SDHC: variants seen among roughly 807,000 people sequenced by gnomAD.
SDHC encodes the protein succinate dehydrogenase cytochrome b560 subunit, mitochondrial.
SDHC carries 11 observed loss-of-function variants against 22.6 expected under a neutral mutation model. The ratio of observed to expected loss-of-function variants is 0.49; its 90% CI spans 0.31 to 0.81. SDHC has a LOEUF of 0.81. Ranked by LOEUF, SDHC falls within the 30% of genes least tolerant of loss-of-function variation. The pLI, the probability that SDHC is intolerant of heterozygous loss-of-function variation, is 0.05. For missense variants in SDHC, 160 were observed against 212.0 expected (o/e 0.75, Z 1.52); for synonymous variants, 80 against 77.8 (o/e 1.03, Z -0.15).
chr1:161,339,585 A>C, intron 3 of SDHC: 1 of 1,262,606 alleles, frequency 7.9e-7, no homozygotes, highest in Non-Finnish European at 1.0e-6. Context: ...GCAGTCTGGT[A>C]AAGGTAGGGA....
chr1:161,330,164 A>G lies in SDHC; in HGVS notation c.179+1667A>G, dbSNP rs76555443. Among the ~76,000 whole-genome samples, 2,093 of 152,334 alleles carry G rather than the reference A, an allele frequency of 0.014. 147 individuals carry two copies. The East Asian group carries it at 0.16, about 12-fold the overall frequency. ...GTTTATGTCTGTCCCATGACAAAAT[A>G]CATTCACCACATCGCGGTGGCCCCA... is the stretch of plus-strand genomic sequence containing the variant. On this transcript the variant is annotated intron_variant, in intron 3 of 5. Coordinates refer to ENST00000367975, the MANE Select transcript of SDHC (RefSeq NM_003001.5).
chr1:161,327,564 T>A (rs79290777), intron 2 of SDHC, among the ~76,000 whole-genome samples: 17,740 of 151,952 alleles, frequency 0.12, 1,392 homozygotes, highest in African/African-American at 0.22. Flanking sequence ...TATTTATTTA[T>A]TTTATTTATT....
rs991858826 is a variant in SDHC, at chr1:161,355,677, C to T, written c.242-1000C>T. 5.9e-5 allele frequency among the ~76,000 whole-genome samples: 9 copies of T among 152,030 alleles called. No individual in the cohort carries two copies. The East Asian group carries it at 1.5e-3, about 26-fold the overall frequency. On this transcript the variant is annotated intron_variant, in intron 4 of 5. Transcript: ENST00000367975. Reference sequence around the variant, plus strand: ...TTTTTCCTCTCTTCAGAGGTAGCAACACTAGAAGATAAAGATAAAAAAAGG... The same window carrying T: ...TTTTTCCTCTCTTCAGAGGTAGCAATACTAGAAGATAAAGATAAAAAAAGG...
At chr1:161,320,783 A>G (rs571168479) in intron 1 of SDHC, among the ~76,000 whole-genome samples, 20 of 151,672 alleles carry the variant, frequency 1.3e-4, no homozygotes, top group East Asian at 7.7e-4. Flanking sequence ...CTGAAGCTCA[A>G]TGACTCACTC....
intron 3 of SDHC, among the ~76,000 whole-genome samples, chr1:161,335,946 A>G (rs1671466788): frequency 6.6e-6 from 1 of 152,122 alleles, no homozygotes; most frequent in Non-Finnish European, 1.5e-5. Flanking sequence ...TAACCCAGCA[A>G]AGCATCTTGA....
rs1672295219 is a variant in SDHC, at chr1:161,356,828, G to T, written c.393G>T (p.Gly131=). Residue 131 remains glycine, a synonymous_variant, in exon 5 of 6, where the codon GGG becomes GGT. Transcript: ENST00000367975. ...CTCTCATGTATCATACCTGGAATGGGATCCGACACTTGGTAAGTTAATTCG... is the reference window on the plus strand; with the variant it reads ...CTCTCATGTATCATACCTGGAATGGTATCCGACACTTGGTAAGTTAATTCG... ...VFPLMYHTWN[G]IRHLMWDLGK... The T allele has an allele frequency of 1.2e-6, 2 of 1,614,124 alleles. No homozygotes were observed. The highest frequency in any genetic ancestry group is 1.7e-6 in the Non-Finnish European group (2 of 1,180,004).
chr1:161,328,841 CA>C (rs1170305869), intron 3 of SDHC, among the ~76,000 whole-genome samples: 1 of 152,094 alleles, frequency 6.6e-6, no homozygotes, highest in Non-Finnish European at 1.5e-5. Context: ...ACAGAGTTCC[CA>C]TATACCTTTA....
intron 4 of SDHC, among the ~76,000 whole-genome samples, chr1:161,346,422 A>G (rs1671899075): frequency 6.6e-6 from 1 of 151,314 alleles, no homozygotes; most frequent in South Asian, 2.1e-4. Flanking sequence ...TTTTCGAGAC[A>G]GAGTTTCGCT....
At chr1:161,351,743 G>A (rs571862185) in intron 4 of SDHC, among the ~76,000 whole-genome samples, 51 of 152,304 alleles carry the variant, frequency 3.3e-4, no homozygotes, top group South Asian at 2.7e-3. Context: ...AAGCAGATGG[G>A]CAGAATACAT....
intron 3 of SDHC, among the ~76,000 whole-genome samples, chr1:161,334,376 A>C (rs780931965): frequency 1.2e-4 from 18 of 150,776 alleles, no homozygotes; most frequent in Non-Finnish European, 2.2e-4. Flanking sequence ...TTATGATTAC[A>C]CTGGGCCCGT....
At chr1:161,350,901 A>G (rs1369623005) in intron 4 of SDHC, among the ~76,000 whole-genome samples, 1 of 152,118 alleles carries the variant, frequency 6.6e-6, no homozygotes, top group South Asian at 2.1e-4. Context: ...TTGGCTCCTT[A>G]GGCATTTGGG....
chr1:161,315,138 C>A (rs1670559632), intron 1 of SDHC, among the ~76,000 whole-genome samples: 1 of 152,226 alleles, frequency 6.6e-6, no homozygotes, highest in African/African-American at 2.4e-5. Context: ...CTCTGCTCAG[C>A]CTCTCTAGTC....
chr1:161,327,764 G>A (rs76022526), intron 2 of SDHC, among the ~76,000 whole-genome samples: 17,795 of 151,716 alleles, frequency 0.12, 1,415 homozygotes, highest in African/African-American at 0.22. Flanking sequence ...GGGTTTCACC[G>A]TGTTGGCCAG....
intron 4 of SDHC, 60 bp from the exon 5 acceptor site, chr1:161,356,617 T>C: frequency 1.3e-6 from 2 of 1,543,622 alleles, no homozygotes; most frequent in Admixed American, 3.3e-5. Flanking sequence ...CCCAGTTTTA[T>C]GTATCATATT....
Position 161,328,501 on chromosome 1 carries a change from A to G in SDHC, c.179+4A>G. On this transcript the variant is annotated splice_donor_region_variant and intron_variant, in intron 3 of 5. Coordinates refer to ENST00000367975, the MANE Select transcript of SDHC (RefSeq NM_003001.5). ...CTCCCCACATTACTATCTACAGGTA[A>G]GGAAGGATTCTGGAGCCAGAGAATC... 6.3e-7 allele frequency: 1 copy of G among 1,585,660 alleles called. No homozygotes were observed.
At chr1:161,331,239 C>T (rs1023217408) in intron 3 of SDHC, among the ~76,000 whole-genome samples, 2 of 151,878 alleles carry the variant, frequency 1.3e-5, no homozygotes, top group Non-Finnish European at 2.9e-5. Flanking sequence ...TACATGGCCA[C>T]GCCCTGACTT....
At chr1:161,357,072 A>G (rs1672308912) in intron 5 of SDHC, among the ~76,000 whole-genome samples, 1 of 151,390 alleles carries the variant, frequency 6.6e-6, no homozygotes, top group African/African-American at 2.4e-5. Flanking sequence ...TTGGCGTTAT[A>G]GACGCATGCC....
chr1:161,358,086 G>T (rs1176444245), intron 5 of SDHC, among the ~76,000 whole-genome samples: 1 of 145,148 alleles, frequency 6.9e-6, no homozygotes, highest in Admixed American at 7.0e-5. Context: ...GCCCAGGCTG[G>T]AGTGCAATGG....
intron 4 of SDHC, among the ~76,000 whole-genome samples, chr1:161,353,675 A>AT (rs1672168195): frequency 1.3e-5 from 2 of 152,094 alleles, no homozygotes; most frequent in African/African-American, 2.4e-5. Flanking sequence ...TTGAGTAGAC[A>AT]TTTTTTAAAA....
Sources: gnomAD v4.1 joint callset for allele counts (sites outside exome capture counted in the v4.1 genomes callset) on GRCh38, gnomAD v4.1.1 for gene constraint, MANE v1.5 for transcripts, NCBI Gene and HGNC (gene_info 2026-07-23, HGNC 2026-07-21) for gene names.